LRRIQ3: variants seen among roughly 807,000 people sequenced by gnomAD.
The protein encoded by LRRIQ3 is leucine-rich repeat and IQ domain-containing protein 3.
In LRRIQ3, 75 loss-of-function variants were observed where a neutral mutation model predicts 59.3. The observed-to-expected ratio is 1.26, with a 90% CI of 1.05 to 1.53. The LOEUF is 1.53. Among genes scored for constraint, LRRIQ3 ranks in the 40% most tolerant of loss-of-function variants. The pLI is 0.00. For missense variants in LRRIQ3, 831 were observed against 710.0 expected (o/e 1.17, Z -1.94); for synonymous variants, 250 against 231.3 (o/e 1.08, Z -0.73).
Position 74,141,273 on chromosome 1 carries a change from A to T in LRRIQ3, c.707+14460T>A, listed in dbSNP as rs574380933. Among the ~76,000 whole-genome samples the T allele has an allele frequency of 8.6e-5, 13 of 151,490 alleles. No homozygotes were observed. In the East Asian group the frequency reaches 2.3e-3, roughly 27 times the overall value. On this transcript the variant is annotated intron_variant, in intron 4 of 7. Transcript: ENST00000354431. ...ATTTATATCTCCAATAGTAAATTTT[A>T]AAAAATATACTTCAGTTTCTTAATA...
chr1:74,091,438 C>A (rs1193286071), intron 5 of LRRIQ3, among the ~76,000 whole-genome samples: 1 of 152,000 alleles, frequency 6.6e-6, no homozygotes, highest in Non-Finnish European at 1.5e-5. Context: ...TATAGAGTTA[C>A]TCTGCTTATT....
At position 74,041,549 on chromosome 1, in the gene LRRIQ3, A is replaced by C. The variant is rs202097427; in HGVS notation, c.1382T>G (p.Leu461Trp). 168 of 1,612,340 alleles carry C rather than the reference A, an allele frequency of 1.0e-4. 1 individual carries two copies. Among genetic ancestry groups the C allele is most frequent in the Non-Finnish European group, 9.2e-5 (108 of 1,179,610 alleles). Residue 461 changes from leucine (L) to tryptophan (W), a missense_variant, in exon 7 of 8, where the codon TTG becomes TGG. Physicochemically the swap from Leu to Trp is moderately conservative, Grantham distance 61 (BLOSUM62 -2). Coordinates refer to ENST00000354431, the MANE Select transcript of LRRIQ3 (RefSeq NM_001105659.2). ...ERVRVAVNEH[L>W]NQKKYATQKL... is the part of the protein sequence containing the mutation. ...TTGTGTAGCATATTTTTTCTGATTC[A>C]AATGTTCATTAACAGCTACTCTAAC...
chr1:74,194,622 C>T (rs540267722), intron 1 of LRRIQ3, among the ~76,000 whole-genome samples: 4 of 151,954 alleles, frequency 2.6e-5, no homozygotes, highest in African/African-American at 9.6e-5. Context: ...AAGCATAAGC[C>T]TGAAAAAACT....
chr1:74,147,923 G>A (rs1020866865), intron 4 of LRRIQ3, among the ~76,000 whole-genome samples: 1 of 152,086 alleles, frequency 6.6e-6, no homozygotes, highest in African/African-American at 2.4e-5. Flanking sequence ...CAAAATGTGA[G>A]AATTTGGTCA....
chr1:74,140,203 T>C (rs1191971672), intron 4 of LRRIQ3, among the ~76,000 whole-genome samples: 1 of 151,672 alleles, frequency 6.6e-6, no homozygotes, highest in Non-Finnish European at 1.5e-5. Context: ...AAGATAAATA[T>C]ACAGAAATAT....
At chr1:74,096,727 G>A (rs1646454171) in intron 5 of LRRIQ3, among the ~76,000 whole-genome samples, 1 of 152,078 alleles carries the variant, frequency 6.6e-6, no homozygotes, top group East Asian at 1.9e-4. Context: ...TGGGGTTTTG[G>A]TGTGGAGGTC....
chr1:74,112,534 G>A (rs1164742091), intron 4 of LRRIQ3, among the ~76,000 whole-genome samples: 1 of 152,110 alleles, frequency 6.6e-6, no homozygotes. Flanking sequence ...CAGACAGTGG[G>A]TCAATTTATG....
intron 3 of LRRIQ3, among the ~76,000 whole-genome samples, chr1:74,164,039 C>A (rs1648817082): frequency 6.6e-6 from 1 of 151,146 alleles, no homozygotes; most frequent in Admixed American, 6.6e-5. Context: ...TCTGTATATA[C>A]CCTTTGGTGA....
chr1:74,099,384 T>C (rs1321614263), intron 5 of LRRIQ3, among the ~76,000 whole-genome samples: 1 of 152,064 alleles, frequency 6.6e-6, no homozygotes, highest in African/African-American at 2.4e-5. Context: ...AATAGACCAA[T>C]AACAGGCTCT....
At chr1:74,047,903 T>A (rs1654252238) in intron 6 of LRRIQ3, among the ~76,000 whole-genome samples, 1 of 152,160 alleles carries the variant, frequency 6.6e-6, no homozygotes, top group Non-Finnish European at 1.5e-5. Context: ...AGTGAAACCC[T>A]GATTGAATCA....
chr1:74,124,724 G>C (rs948783162), intron 4 of LRRIQ3, among the ~76,000 whole-genome samples: 2 of 151,850 alleles, frequency 1.3e-5, no homozygotes, highest in Admixed American at 1.3e-4. Context: ...CTATATGTCT[G>C]TTTTTAGAAC....
chr1:74,070,660 A>G (rs544060606), intron 6 of LRRIQ3, among the ~76,000 whole-genome samples: 2 of 151,920 alleles, frequency 1.3e-5, no homozygotes, highest in African/African-American at 4.8e-5. Context: ...AATTGTGTGT[A>G]TATATGTGTG....
intron 1 of LRRIQ3, among the ~76,000 whole-genome samples, chr1:74,191,992 T>C (rs1650795875): frequency 6.6e-6 from 1 of 152,022 alleles, no homozygotes; most frequent in Non-Finnish European, 1.5e-5. Flanking sequence ...GCATATTTTA[T>C]CATCATCTCA....
At position 74,054,738 on chromosome 1, in the gene LRRIQ3, A is replaced by AT. The variant is rs1654470400; in HGVS notation, c.998-12806_998-12805insA. Among the ~76,000 whole-genome samples the AT allele has an allele frequency of 1.3e-4, 13 of 102,118 alleles. No individual in the cohort carries two copies. In the Admixed American group the frequency reaches 1.4e-3, roughly 11 times the overall value. The allele number at this position is 102,118 out of a possible 152,430, so 67.0% of individuals were successfully genotyped here. A position where few individuals can be genotyped will look rare whatever the true frequency, so the allele number is the denominator to read the frequency against. On this transcript the variant is annotated intron_variant, in intron 6 of 7. Transcript: ENST00000354431. ...TTAATTACAAAAAGGAAGAAAACACAAATATATATATATATATATCTATAT... is the reference window on the plus strand; with the variant it reads ...TTAATTACAAAAAGGAAGAAAACACATAATATATATATATATATATCTATAT...
At chr1:74,116,439 C>A (rs1646777780) in intron 4 of LRRIQ3, among the ~76,000 whole-genome samples, 1 of 152,006 alleles carries the variant, frequency 6.6e-6, no homozygotes, top group Non-Finnish European at 1.5e-5. Context: ...CTCACCCCCA[C>A]TGAACCTGTC....
chr1:74,178,649 T>C (rs1649790203), intron 3 of LRRIQ3, among the ~76,000 whole-genome samples: 1 of 152,174 alleles, frequency 6.6e-6, no homozygotes, highest in Admixed American at 6.6e-5. Flanking sequence ...TACAAGAATC[T>C]TCCTTCTTTT....
At chr1:74,129,226 A>C (rs190809928) in intron 4 of LRRIQ3, among the ~76,000 whole-genome samples, 1 of 152,126 alleles carries the variant, frequency 6.6e-6, no homozygotes, top group Admixed American at 6.6e-5. Context: ...AGGTAGGTCA[A>C]GAGATGCCAT....
rs1650077727 is a variant in LRRIQ3 at position 74,182,823 on chromosome 1, C to A, written c.288G>T (p.Leu96Phe). 1.9e-6 allele frequency: 3 copies of A among 1,558,372 alleles called. No homozygotes were observed. Among genetic ancestry groups the A allele is most frequent in the Non-Finnish European group, 8.7e-7 (1 of 1,152,050 alleles). ...SLPNTKFWNG[L>F]KNLKLLYLHD... ...GAAGATAGAGTAGTTTTAGGTTCTT[C>A]AATCCATTCCAAAATTTGGTATTTG... The change falls in exon 3 of 8, where the codon TTG (leucine) becomes TTT (phenylalanine). Residue 96 changes from leucine (L) to phenylalanine (F), a missense_variant. Leu to Phe is a conservative substitution (Grantham distance 22). Coordinates refer to ENST00000354431, the MANE Select transcript of LRRIQ3 (RefSeq NM_001105659.2).
chr1:74,058,734 C>T (rs1311974358), intron 6 of LRRIQ3, among the ~76,000 whole-genome samples: 1 of 151,966 alleles, frequency 6.6e-6, no homozygotes, highest in African/African-American at 2.4e-5. Context: ...GTATCTAACA[C>T]AAGGGAATGG....
Sources: allele counts gnomAD v4.1 joint callset (sites outside exome capture counted in the v4.1 genomes callset), GRCh38; gene constraint gnomAD v4.1.1; transcripts MANE v1.5; gene names NCBI Gene and HGNC (gene_info 2026-07-23, HGNC 2026-07-21).